FBXO15: variants seen among roughly 807,000 people sequenced by gnomAD.
FBXO15 encodes the protein F-box protein 15.
In FBXO15, 30 loss-of-function variants were observed where a neutral mutation model predicts 49.5. The ratio of observed to expected loss-of-function variants is 0.61; its 90% CI spans 0.45 to 0.82. FBXO15 has a LOEUF of 0.82. Ranked by LOEUF, FBXO15 falls within the 40% of genes least tolerant of loss-of-function variation. The pLI is 0.00. For synonymous variants in FBXO15, 250 were observed against 232.7 expected, an observed-to-expected ratio of 1.07 and a Z score of -0.68; for missense variants, 591 against 631.5, an observed-to-expected ratio of 0.94 and a Z score of 0.69.
rs745331045 is a variant in FBXO15 at position 74,130,599 on chromosome 18, A to C, written c.392T>G (p.Phe131Cys). Reference sequence around the variant, plus strand: ...CATAGCTATCTTCTCTACTGAATTAAATTTCCAATTTGATCTTGCAGGTGA... The same window carrying C: ...CATAGCTATCTTCTCTACTGAATTACATTTCCAATTTGATCTTGCAGGTGA... Reference protein sequence around the residue: ...AFSPARSNWKFNSVEKIAMSM... With the variant: ...AFSPARSNWKCNSVEKIAMSM... The change falls in exon 4 of 10, where the codon TTT (phenylalanine) becomes TGT (cysteine). Residue 131 changes from phenylalanine (F) to cysteine (C), a missense_variant. Coordinates refer to ENST00000419743, the MANE Select transcript of FBXO15 (RefSeq NM_001142958.2). 6.2e-7 allele frequency: 1 copy of C among 1,614,140 alleles called. No homozygotes were observed. The highest frequency in any genetic ancestry group is 8.5e-7 in the Non-Finnish European group (1 of 1,179,994).
chr18:74,123,555 G>T (rs763095268), intron 7 of FBXO15, 45 bp from the exon 8 acceptor site: 6 of 1,561,444 alleles, frequency 3.8e-6, no homozygotes, highest in East Asian at 2.3e-5. Flanking sequence ...TCAACACCAG[G>T]GATAAAATTC....
At chr18:74,141,440 T>C (rs1225631789) in intron 1 of FBXO15, among the ~76,000 whole-genome samples, 1 of 152,088 alleles carries the variant, frequency 6.6e-6, no homozygotes, top group Admixed American at 6.5e-5. Context: ...TCCTAGAGAG[T>C]ACATTATGTA....
chr18:74,085,628 T>C (rs959677532), intron 8 of FBXO15, among the ~76,000 whole-genome samples: 3 of 152,126 alleles, frequency 2.0e-5, no homozygotes, highest in Non-Finnish European at 2.9e-5. Context: ...ATCAATAAAA[T>C]GGAATAGATT....
intron 8 of FBXO15, among the ~76,000 whole-genome samples, chr18:74,117,417 C>T (rs1914278785): frequency 6.6e-6 from 1 of 152,112 alleles, no homozygotes; most frequent in Admixed American, 6.5e-5. Flanking sequence ...AGTCAACAGC[C>T]TACCCTGACC....
At chr18:74,099,186 C>T (rs1239570359) in intron 8 of FBXO15, 3 of 152,104 alleles carry the variant, frequency 2.0e-5, no homozygotes, top group Non-Finnish European at 4.4e-5. Context: ...GCAAAAGCAC[C>T]AGGTAACCTA....
Position 74,098,981 on chromosome 18 carries a change from T to G in FBXO15, c.1139-16930A>C, listed in dbSNP as rs1913397478. 2.0e-5 allele frequency: 3 copies of G among 152,262 alleles called. No individual in the cohort carries two copies. In the South Asian group the frequency reaches 6.2e-4, roughly 32 times the overall value. 9.4% of individuals were successfully genotyped at this position (152,262 alleles called of 1,614,324 possible). A position where few individuals can be genotyped will look rare whatever the true frequency, so the allele number is the denominator to read the frequency against. ...CTATACTAAAAATACAAAAATTAGC[T>G]GGGCGTGGTGGCACATGCCTTTAGT... On this transcript the variant is annotated intron_variant, in intron 8 of 9. Coordinates refer to ENST00000419743, the MANE Select transcript of FBXO15 (RefSeq NM_001142958.2).
At chr18:74,119,521 A>G (rs1282152398) in intron 8 of FBXO15, among the ~76,000 whole-genome samples, 1 of 152,188 alleles carries the variant, frequency 6.6e-6, no homozygotes, top group African/African-American at 2.4e-5. Flanking sequence ...GCAGGTGAGA[A>G]ATGGGGAGAG....
At chr18:74,137,605 C>T (rs1383714331) in intron 2 of FBXO15, among the ~76,000 whole-genome samples, 1 of 152,164 alleles carries the variant, frequency 6.6e-6, no homozygotes, top group East Asian at 1.9e-4. Flanking sequence ...CAGTGGAGAT[C>T]GAATACATTC....
intron 8 of FBXO15, among the ~76,000 whole-genome samples, chr18:74,094,754 C>A (rs1225206924): frequency 6.6e-6 from 1 of 152,196 alleles, no homozygotes; most frequent in African/African-American, 2.4e-5. Context: ...TTAAAGTAAA[C>A]AGCTGCATTA....
At position 74,093,267 on chromosome 18, in the gene FBXO15, G is replaced by GC. The variant is rs1555676387; in HGVS notation, c.1139-11217_1139-11216insG. Among the ~76,000 whole-genome samples, 119 of 150,080 alleles carry GC rather than the reference G, an allele frequency of 7.9e-4. 2 individuals carry two copies. The East Asian group carries it at 0.019, about 24-fold the overall frequency. ...ACACGTGTGCTGGCAAAACAATGGG[G>GC]GGGGGGTGGCTGCAGACAAGTACAT... is the stretch of plus-strand genomic sequence containing the variant. On this transcript the variant is annotated intron_variant, in intron 8 of 9. Transcript: ENST00000419743.
chr18:74,107,965 G>A (rs368118437), intron 8 of FBXO15, among the ~76,000 whole-genome samples: 6 of 152,086 alleles, frequency 3.9e-5, no homozygotes, highest in East Asian at 1.9e-4. Context: ...GTTGTAAAGC[G>A]GGGGACTGAG....
chr18:74,134,684 A>G (rs1477590192), intron 3 of FBXO15, among the ~76,000 whole-genome samples: 1 of 152,140 alleles, frequency 6.6e-6, no homozygotes, highest in Non-Finnish European at 1.5e-5. Flanking sequence ...TTTTTAAAAT[A>G]CAGATTTCAG....
Position 74,147,676 on chromosome 18 carries a change from C to T in FBXO15, c.110G>A (p.Gly37Glu), listed in dbSNP as rs1314694901. Reference protein sequence around the residue: ...GAARGRARAFGCRKGPGVKLS... With the variant: ...GAARGRARAFECRKGPGVKLS... The stretch of plus-strand genomic sequence containing the variant: ...CCGCAGGCCCTACAGTCACCTGCAC[C>T]CAAAGGCCCTGGCGCGCCCCCGGGC... The change falls in exon 1 of 10, where the codon GGG becomes GAG. Residue 37 changes from glycine to glutamate, a missense_variant. Gly to Glu is a moderately conservative substitution (Grantham distance 98). Transcript: ENST00000419743. The T allele has an allele frequency of 6.7e-7, 1 of 1,483,718 alleles. No individual in the cohort carries two copies. The highest frequency in any genetic ancestry group is 2.6e-5 in the East Asian group (1 of 38,140). The allele number at this position is 1,483,718 out of a possible 1,614,324, so 91.9% of individuals were successfully genotyped here.
rs142924178 is a variant in FBXO15, at chr18:74,119,622, C to T, written c.1138+3746G>A. Among the ~76,000 whole-genome samples the T allele has an allele frequency of 5.7e-3, 863 of 152,120 alleles. 8 individuals are homozygous for T. Among genetic ancestry groups the T allele is most frequent in the African/African-American group, 0.02 (815 of 41,480 alleles). On this transcript the variant is annotated intron_variant, in intron 8 of 9. Coordinates refer to ENST00000419743, the MANE Select transcript of FBXO15 (RefSeq NM_001142958.2). ...AGAGAGACATGACCCCCAGGACCCA[C>T]GCTAAGATCTGGGGCAGTAACACTG... is the stretch of plus-strand genomic sequence containing the variant.
chr18:74,119,507 G>A (rs1228953317), intron 8 of FBXO15, among the ~76,000 whole-genome samples: 1 of 152,150 alleles, frequency 6.6e-6, no homozygotes, highest in Non-Finnish European at 1.5e-5. Context: ...AAAAATTGAG[G>A]CAGGCAGGTG....
rs1568171781 is a variant in FBXO15, at chr18:74,118,415, T to TATATATATATATGTGTATATACAC, written c.1138+4929_1138+4952dup. 8.0e-4 allele frequency among the ~76,000 whole-genome samples: 71 copies of TATATATATATATGTGTATATACAC among 89,166 alleles called. 2 individuals are homozygous for TATATATATATATGTGTATATACAC. In the South Asian group the frequency reaches 0.018, roughly 23 times the overall value. 58.5% of individuals were successfully genotyped at this position (89,166 alleles called of 152,430 possible). A position where few individuals can be genotyped will look rare whatever the true frequency, so the allele number is the denominator to read the frequency against. Reference sequence around the variant, plus strand: ...CTGCGTATATACACATATATACACATATATATATATATGTGTATATACACA... The same window carrying TATATATATATATGTGTATATACAC: ...CTGCGTATATACACATATATACACATATATATATATATGTGTATATACACATATATATATATGTGTATATACACA... On this transcript the variant is annotated intron_variant, in intron 8 of 9. Transcript: ENST00000419743.
chr18:74,135,826 C>T lies in FBXO15; in HGVS notation c.268G>A (p.Asp90Asn). ...CCAGTACACAGAAGGCTCACAGCAT[C>T]CAAGTAGGAAAATATCTTCAGCAAG... is the stretch of plus-strand genomic sequence containing the variant. ...EILLKIFSYL[D>N]AVSLLCTGCV... The change falls in exon 3 of 10, where the codon GAT becomes AAT. Residue 90 changes from aspartate to asparagine, a missense_variant. Coordinates refer to ENST00000419743, the MANE Select transcript of FBXO15 (RefSeq NM_001142958.2). The T allele has an allele frequency of 6.2e-7, 1 of 1,612,318 alleles. No individual in the cohort carries two copies. The highest frequency in any genetic ancestry group is 1.1e-5 in the South Asian group (1 of 90,494).
Position 74,140,293 on chromosome 18 carries a change from G to C in FBXO15, c.136C>G (p.Leu46Val), listed in dbSNP as rs1000807329. 6.4e-7 allele frequency: 1 copy of C among 1,551,232 alleles called. No homozygotes were observed. The highest frequency in any genetic ancestry group is 8.7e-7 in the Non-Finnish European group (1 of 1,146,852). ...CTCAGGGCAGCAGAGCCTGCAGAAAGCTTGACCCCTGGCCCCTTTCTGAAA... is the reference window on the plus strand; with the variant it reads ...CTCAGGGCAGCAGAGCCTGCAGAAACCTTGACCCCTGGCCCCTTTCTGAAA... ...FGCRKGPGVK[L>V]SAGSAALRCH... is the part of the protein sequence containing the mutation. The change falls in exon 2 of 10, where the codon CTT (leucine) becomes GTT (valine). Residue 46 changes from leucine to valine, a missense_variant. Leu to Val is a conservative substitution (Grantham distance 32, BLOSUM62 1). Coordinates refer to ENST00000419743, the MANE Select transcript of FBXO15 (RefSeq NM_001142958.2).
chr18:74,104,948 G>C (rs1913684019), intron 8 of FBXO15, among the ~76,000 whole-genome samples: 1 of 152,146 alleles, frequency 6.6e-6, no homozygotes, highest in Non-Finnish European at 1.5e-5. Context: ...TAAGGAAAAT[G>C]TGAAATATAT....
Sources: gnomAD v4.1 joint callset for allele counts (sites outside exome capture counted in the v4.1 genomes callset) on GRCh38, gnomAD v4.1.1 for gene constraint, MANE v1.5 for transcripts, NCBI Gene and HGNC (gene_info 2026-07-23, HGNC 2026-07-21) for gene names.